The following ANKRD30B variants were observed in gnomAD, a reference collection of about 807,000 sequenced individuals.
ANKRD30B encodes ankyrin repeat domain-containing protein 30B.
ANKRD30B carries 144 observed loss-of-function variants against 202.2 expected under a neutral mutation model. That is an observed-to-expected ratio of 0.71 (90% CI 0.62 to 0.82). The LOEUF (loss-of-function observed/expected upper bound fraction) is 0.82. ANKRD30B is among the 40% of genes least tolerant of loss of function. The pLI, the probability that ANKRD30B is intolerant of heterozygous loss-of-function variation, is 0.00. For missense variants in ANKRD30B, 1,487 were observed against 1,669.1 expected, an observed-to-expected ratio of 0.89 and a Z score of 1.90; for synonymous variants, 508 against 561.3, an observed-to-expected ratio of 0.91 and a Z score of 1.34.
At chr18:14,856,060 C>T (rs866158292), downstream of ANKRD30B, among the ~76,000 whole-genome samples, 85 of 128,376 alleles carry the variant, frequency 6.6e-4, no homozygotes, top group East Asian at 6.4e-3. Context: ...CGGGCAGAGG[C>T]GCTCCTCACC....
At chr18:14,782,071 C>T (rs938980947) in intron 11 of ANKRD30B, among the ~76,000 whole-genome samples, 2 of 152,172 alleles carry the variant, frequency 1.3e-5, no homozygotes, top group Non-Finnish European at 2.9e-5. Context: ...GCAAACTTCT[C>T]GGCCTTCGAA....
At chr18:14,822,386 A>G (rs1259318897) in intron 30 of ANKRD30B, 97 bp from the exon 31 acceptor site, 14 of 899,046 alleles carry the variant, frequency 1.6e-5, no homozygotes, top group Non-Finnish European at 2.5e-5. Flanking sequence ...TTTCAATCCA[A>G]GCATGAGGAT....
the ANKRD30B span, among the ~76,000 whole-genome samples, chr18:14,882,979 C>A: frequency 6.6e-6 from 1 of 152,090 alleles, no homozygotes; most frequent in East Asian, 1.9e-4. Context: ...ATTCCATAAT[C>A]ATTCTGATGC....
At chr18:14,800,027 C>G (rs950692267) in intron 22 of ANKRD30B, among the ~76,000 whole-genome samples, 1 of 151,670 alleles carries the variant, frequency 6.6e-6, no homozygotes, top group African/African-American at 2.4e-5. Context: ...GGTCAGGAGT[C>G]GCAGACGAGC....
the ANKRD30B span, among the ~76,000 whole-genome samples, chr18:14,895,151 G>A: frequency 6.8e-6 from 1 of 147,142 alleles, no homozygotes. Context: ...GGTAGTAGAT[G>A]AGGGAAGGGT....
chr18:14,799,321 T>C (rs1484878776), intron 22 of ANKRD30B, 26 bp downstream of exon 22: 4 of 1,491,656 alleles, frequency 2.7e-6, no homozygotes, highest in Non-Finnish European at 3.6e-6. Context: ...TTAATTTTAC[T>C]CTGGAATTAA....
rs1334177280 is a variant in ANKRD30B at position 14,774,999 on chromosome 18, C to T, written c.1329+2771C>T. 3.9e-5 allele frequency among the ~76,000 whole-genome samples: 6 copies of T among 151,976 alleles called. No individual in the cohort carries two copies. In the East Asian group the frequency reaches 5.8e-4, roughly 15 times the overall value. ...CAAAGTAGACGGGCGTGGTGGCGGG[C>T]GCCTGTAGTCCCAGCTACTCGGGAG... is the stretch of plus-strand genomic sequence containing the variant. On this transcript the variant is annotated intron_variant, in intron 9 of 43. Transcript: ENST00000690538.
At chr18:14,774,091 C>T (rs1184198594) in intron 9 of ANKRD30B, among the ~76,000 whole-genome samples, 5 of 151,908 alleles carry the variant, frequency 3.3e-5, no homozygotes, top group Non-Finnish European at 5.9e-5. Flanking sequence ...AGAATGTTCC[C>T]GCTTTTAGGT....
Position 14,763,985 on chromosome 18 carries a change from T to G in ANKRD30B, c.1120T>G (p.Cys374Gly). The G allele has an allele frequency of 6.2e-7, 1 of 1,602,464 alleles. No individual in the cohort carries two copies. Among genetic ancestry groups the G allele is most frequent in the Non-Finnish European group, 8.5e-7 (1 of 1,174,606 alleles). Residue 374 changes from cysteine to glycine, a missense_variant, in exon 7 of 44, where the codon TGC becomes GGC. Coordinates refer to ENST00000690538, the MANE Select transcript of ANKRD30B (RefSeq NM_001367607.2). The part of the protein sequence containing the change: ...EEKETSVKTE[C>G]VAGVTPNKTE... ...AAAAGAAACATCTGTAAAGACTGAA[T>G]GCGTGGCAGGAGTAACACCTAATAA...
At chr18:14,906,808 G>A in the ANKRD30B span, among the ~76,000 whole-genome samples, 1 of 151,456 alleles carries the variant, frequency 6.6e-6, no homozygotes, top group Admixed American at 6.6e-5. Context: ...AGGTGGTTGG[G>A]GTGTGGCTTG....
chr18:14,913,207 G>GGCAGCCT, the ANKRD30B span, among the ~76,000 whole-genome samples: 2 of 152,182 alleles, frequency 1.3e-5, no homozygotes, highest in Admixed American at 1.3e-4. Context: ...GCTCAGTGCT[G>GGCAGCCT]GCAGCCTACA....
At chr18:14,876,510 G>A in the ANKRD30B span, among the ~76,000 whole-genome samples, 3 of 152,150 alleles carry the variant, frequency 2.0e-5, no homozygotes, top group Non-Finnish European at 4.4e-5. Flanking sequence ...GATCTCATGG[G>A]GGTCTTAAAT....
intron 39 of ANKRD30B, among the ~76,000 whole-genome samples, chr18:14,846,924 T>C (rs1411962998): frequency 6.6e-6 from 1 of 151,424 alleles, no homozygotes; most frequent in East Asian, 1.9e-4. Context: ...ATAATGTAAT[T>C]ATTGATGTGA....
chr18:14,922,495 A>G, the ANKRD30B span, among the ~76,000 whole-genome samples: 45 of 152,016 alleles, frequency 3.0e-4, no homozygotes, highest in African/African-American at 1.0e-3. Flanking sequence ...CTCTACTAAA[A>G]ATACAAAAAA....
rs1968890292 is a variant in ANKRD30B at position 14,796,342 on chromosome 18, G to A, written c.1855-1G>A. On this transcript the variant is annotated splice_acceptor_variant, in intron 17 of 43. Transcript: ENST00000690538. LOFTEE classifies it high-confidence loss of function. The stretch of plus-strand genomic sequence containing the variant: ...ATTTTTGTGTTTCCAAACCCATTTA[G>A]CCTACCTGTGGAAGGAAAGTTTCTC... The A allele has an allele frequency of 1.9e-6, 3 of 1,594,210 alleles. No individual in the cohort carries two copies. Among genetic ancestry groups the A allele is most frequent in the Non-Finnish European group, 2.6e-6 (3 of 1,168,980 alleles).
At chr18:14,761,235 G>A (rs1190942437) in intron 6 of ANKRD30B, among the ~76,000 whole-genome samples, 3 of 152,232 alleles carry the variant, frequency 2.0e-5, no homozygotes, top group Middle Eastern at 3.4e-3. Flanking sequence ...TGACGGATGA[G>A]ACACATACCC....
downstream of ANKRD30B, among the ~76,000 whole-genome samples, chr18:14,854,738 A>G (rs552538101): frequency 3.3e-5 from 5 of 151,952 alleles, no homozygotes; most frequent in Non-Finnish European, 7.4e-5. Context: ...ACAACTCTAT[A>G]CTTGGTTCAG....
At chr18:14,786,332 G>A (rs1011269166) in intron 14 of ANKRD30B, among the ~76,000 whole-genome samples, 3 of 152,074 alleles carry the variant, frequency 2.0e-5, no homozygotes, top group Non-Finnish European at 4.4e-5. Context: ...ATTACTTAAG[G>A]CAATTATTTT....
chr18:14,927,106 T>C, the ANKRD30B span, among the ~76,000 whole-genome samples: 1 of 152,160 alleles, frequency 6.6e-6, no homozygotes, highest in Non-Finnish European at 1.5e-5. Flanking sequence ...TGTATGTTAT[T>C]TAAAGTAAGT....
Sources: gnomAD v4.1 joint callset for allele counts (sites outside exome capture counted in the v4.1 genomes callset) on GRCh38, gnomAD v4.1.1 for gene constraint, MANE v1.5 for transcripts, NCBI Gene and HGNC (gene_info 2026-07-23, HGNC 2026-07-21) for gene names.